The following KDM4B variants were observed in gnomAD, a reference collection of about 807,000 sequenced individuals.
KDM4B encodes the protein lysine-specific demethylase 4B.
In KDM4B, 32 loss-of-function variants were observed where a neutral mutation model predicts 125.2. The observed-to-expected ratio is 0.26, with a 90% CI of 0.19 to 0.34. KDM4B has a LOEUF of 0.34. KDM4B is among the 10% of genes least tolerant of loss of function. The probability of loss-of-function intolerance (pLI) is 1.00; values close to 1 mark genes in which losing one functional copy is unlikely to be tolerated. For missense variants in KDM4B, 1,190 were observed against 1,577.7 expected, an observed-to-expected ratio of 0.75 and a Z score of 4.16; for synonymous variants, 721 against 677.9, an observed-to-expected ratio of 1.06 and a Z score of -0.99.
Position 5,142,690 on chromosome 19 carries a change from A to G in KDM4B, c.2551-1277A>G, listed in dbSNP as rs1057358960. ...CCCAGGGAGCACAGCCTCCACTCCT[A>G]CACACTGGCTACTCTGCCGGAGGGG... On this transcript the variant is annotated intron_variant, in intron 18 of 22. Transcript: ENST00000159111. This position sits in a 1 kb window ranked among gnomAD's most constrained non-coding sequence, Gnocchi z 5.4. Among the ~76,000 whole-genome samples, 14 of 152,090 alleles carry G rather than the reference A, an allele frequency of 9.2e-5. No individual in the cohort carries two copies. The highest frequency in any genetic ancestry group is 6.8e-3 in the Middle Eastern group (2 of 294).
chr19:5,094,038 G>C (rs1444071240), intron 9 of KDM4B, among the ~76,000 whole-genome samples: 1 of 152,202 alleles, frequency 6.6e-6, no homozygotes, highest in Non-Finnish European at 1.5e-5. Flanking sequence ...GCGCCAGGGA[G>C]ACCACCCTGC....
Position 5,119,716 on chromosome 19 carries a change from G to C in KDM4B, c.1179G>C (p.Glu393Asp), listed in dbSNP as rs545228505. 2 of 1,552,566 alleles carry C rather than the reference G, an allele frequency of 1.3e-6. No homozygotes were observed. The highest frequency in any genetic ancestry group is 1.4e-5 in the African/African-American group (1 of 73,234). Residue 393 changes from glutamate to aspartate, a missense_variant, in exon 11 of 23, where the codon GAG (glutamate) becomes GAC (aspartate). Glu to Asp is a conservative substitution (Grantham distance 45). This residue lies in a region of KDM4B where 428 missense variants were observed against 405.1 expected (regional missense o/e 1.06). Coordinates refer to ENST00000159111, the MANE Select transcript of KDM4B (RefSeq NM_015015.3). Reference sequence around the variant, plus strand: ...CCGAAGACCCCAAGTTCCCTGGGGAGGGTACGGCTGGGGCAGCGCTCCTAG... The same window carrying C: ...CCGAAGACCCCAAGTTCCCTGGGGACGGTACGGCTGGGGCAGCGCTCCTAG... ...PKPEDPKFPG[E>D]GTAGAALLEE... is the part of the protein sequence containing the mutation.
At chr19:5,023,838 A>G (rs2145574763) in intron 2 of KDM4B, among the ~76,000 whole-genome samples, 1 of 132,256 alleles carries the variant, frequency 7.6e-6, no homozygotes, top group South Asian at 2.3e-4. Flanking sequence ...GTCTGGGCTC[A>G]CTGCAGCCTC....
chr19:5,016,828 C>T (rs183774836), intron 2 of KDM4B, among the ~76,000 whole-genome samples: 215 of 152,318 alleles, frequency 1.4e-3, no homozygotes, highest in African/African-American at 5.0e-3. Flanking sequence ...GGGTTTAGTT[C>T]CTTTTCTTGT....
intron 6 of KDM4B, among the ~76,000 whole-genome samples, chr19:5,059,920 G>A (rs1258713147): frequency 1.3e-5 from 2 of 152,226 alleles, no homozygotes; most frequent in East Asian, 1.9e-4. Context: ...CCTGCGTGTG[G>A]CTCACTCCCA....
intron 2 of KDM4B, among the ~76,000 whole-genome samples, chr19:5,024,883 G>A (rs1349646920): frequency 6.6e-6 from 1 of 152,232 alleles, no homozygotes; most frequent in East Asian, 1.9e-4. Context: ...GGGAAACGGA[G>A]GTTTCAGTGA....
At chr19:5,138,239 T>G (rs2039683888) in intron 18 of KDM4B, 169 bp downstream of exon 18, 1 of 598,104 alleles carries the variant, frequency 1.7e-6, no homozygotes, top group African/African-American at 1.9e-5. Flanking sequence ...GCAGGTGTGT[T>G]ATTTTTTGAA....
At chr19:5,051,511 C>T (rs893126934) in intron 6 of KDM4B, among the ~76,000 whole-genome samples, 1 of 152,236 alleles carries the variant, frequency 6.6e-6, no homozygotes, top group Non-Finnish European at 1.5e-5. Context: ...CAGCATGTTC[C>T]TGGGGCTGCA....
At chr19:5,145,156 A>G (rs1029488648) in intron 21 of KDM4B, among the ~76,000 whole-genome samples, 1 of 150,864 alleles carries the variant, frequency 6.6e-6, no homozygotes, top group African/African-American at 2.4e-5. Flanking sequence ...CACCTTCTCA[A>G]TTTTTCTTAA....
chr19:4,993,944 A>T (rs1367221983), intron 1 of KDM4B, among the ~76,000 whole-genome samples: 2 of 143,850 alleles, frequency 1.4e-5, no homozygotes, highest in Non-Finnish European at 3.0e-5. Context: ...ATTTTGTCTG[A>T]TGTTAGTGTA....
chr19:5,031,740 C>A (rs1031895404), intron 2 of KDM4B, among the ~76,000 whole-genome samples: 1 of 152,174 alleles, frequency 6.6e-6, no homozygotes, highest in Non-Finnish European at 1.5e-5. Context: ...CTAGCTGGGG[C>A]CTCCCTGCCG....
intron 10 of KDM4B, chr19:5,111,353 T>C (rs1254268054): frequency 2.6e-6 from 2 of 759,194 alleles, no homozygotes; most frequent in African/African-American, 3.4e-5. Context: ...GGCGTGACCC[T>C]GGATGCCCTC....
chr19:5,053,189 T>A (rs968465790), intron 6 of KDM4B, among the ~76,000 whole-genome samples: 2 of 152,208 alleles, frequency 1.3e-5, no homozygotes, highest in South Asian at 2.1e-4. Context: ...AGATAGTTGC[T>A]CCCTCCTCTC....
chr19:5,073,888 C>T (rs2038022128), intron 7 of KDM4B, among the ~76,000 whole-genome samples: 1 of 152,148 alleles, frequency 6.6e-6, no homozygotes, highest in Non-Finnish European at 1.5e-5. Context: ...AGGCTGACGT[C>T]AGAGGATTGC....
At position 4,988,324 on chromosome 19, in the gene KDM4B, G is replaced by A. The variant is rs570825689; in HGVS notation, c.-109+19094G>A. On this transcript the variant is annotated intron_variant, in intron 1 of 22. Coordinates refer to ENST00000159111, the MANE Select transcript of KDM4B (RefSeq NM_015015.3). ...GGAGTCTTGTTGTGTTTCCCAGGCT[G>A]GAGTGCAGTGGTGCGATCTAGGCTC... Among the ~76,000 whole-genome samples, 47 of 152,168 alleles carry A rather than the reference G, an allele frequency of 3.1e-4. No individual in the cohort carries two copies. The South Asian group carries it at 5.0e-3, about 16-fold the overall frequency.
intron 11 of KDM4B, 74 bp downstream of exon 11, chr19:5,119,926 G>A (rs2039329968): frequency 1.4e-6 from 2 of 1,470,014 alleles, no homozygotes; most frequent in Admixed American, 2.4e-5. Flanking sequence ...AGGAACCAGT[G>A]CCTGCTACAG....
intron 1 of KDM4B, among the ~76,000 whole-genome samples, chr19:4,999,517 T>C (rs1367895190): frequency 1.3e-5 from 2 of 152,176 alleles, no homozygotes; most frequent in African/African-American, 2.4e-5. Context: ...TGCTCAGTGC[T>C]ACTGGGGTGT....
chr19:5,008,204 A>T (rs973976358), intron 1 of KDM4B, among the ~76,000 whole-genome samples: 2 of 152,230 alleles, frequency 1.3e-5, no homozygotes, highest in African/African-American at 4.8e-5. Context: ...GTGTGAGGTA[A>T]GGGTCCACCT....
At chr19:5,111,095 A>T (rs1179240770) in intron 10 of KDM4B, among the ~76,000 whole-genome samples, 2 of 151,680 alleles carry the variant, frequency 1.3e-5, no homozygotes, top group Admixed American at 6.6e-5. Flanking sequence ...CGGGCTCCCC[A>T]TACTCCCTGT....
Sources: gnomAD v4.1 joint callset for allele counts (sites outside exome capture counted in the v4.1 genomes callset) on GRCh38, gnomAD v4.1.1 for gene constraint, gnomAD v4.1.1 regional missense constraint, Gnocchi (gnomAD v3.1) non-coding constraint, MANE v1.5 for transcripts, NCBI Gene and HGNC (gene_info 2026-07-23, HGNC 2026-07-21) for gene names.